Variants in LAMTOR1 observed in about 807,000 individuals in gnomAD.
The protein encoded by LAMTOR1 is late endosomal/lysosomal adaptor, MAPK and MTOR activator 1.
In LAMTOR1, 8 loss-of-function variants were observed where a neutral mutation model predicts 20.5. The observed-to-expected ratio is 0.39, with a 90% CI of 0.23 to 0.70. The LOEUF (loss-of-function observed/expected upper bound fraction) is 0.70, where lower values mean the gene tolerates loss of function less well. Ranked by LOEUF, LAMTOR1 falls within the 30% of genes least tolerant of loss-of-function variation. The pLI, the probability that LAMTOR1 is intolerant of heterozygous loss-of-function variation, is 0.43. For missense variants in LAMTOR1, 135 were observed against 206.2 expected, an observed-to-expected ratio of 0.65 and a Z score of 2.11; for synonymous variants, 77 against 80.9, an observed-to-expected ratio of 0.95 and a Z score of 0.26.
In LAMTOR1 at chr11:72,098,778, C is replaced by T. The variant is rs1338735048; in HGVS notation, c.266+3G>A. The stretch of plus-strand genomic sequence containing the variant: ...GAGGGACCCACGCTGGCCAGGTGCT[C>T]ACCTGTACTGCCTGGCACGGTCCAT... On this transcript the variant is annotated splice_donor_region_variant and intron_variant, in intron 3 of 4. Transcript: ENST00000278671. The T allele has an allele frequency of 7.8e-6, 12 of 1,542,616 alleles. 1 individual carries two copies. Among genetic ancestry groups the T allele is most frequent in the Admixed American group, 4.0e-5 (2 of 50,308 alleles).
rs1345893165 is a variant in LAMTOR1, at chr11:72,098,871, G to A, written c.189-13C>T. On this transcript the variant is annotated splice_polypyrimidine_tract_variant and intron_variant, in intron 2 of 4. Transcript: ENST00000278671. The stretch of plus-strand genomic sequence containing the variant: ...ATCAATGATGTTGCTATGGGGAGAG[G>A]AGACAGAGATGACATGACAGGTGCT... 1.4e-5 allele frequency: 21 copies of A among 1,543,822 alleles called. No homozygotes were observed. The South Asian group carries it at 2.3e-4, about 17-fold the overall frequency.
intron 1 of LAMTOR1, among the ~76,000 whole-genome samples, chr11:72,099,788 G>A (rs1275534777): frequency 6.6e-6 from 1 of 152,114 alleles, no homozygotes; most frequent in Non-Finnish European, 1.5e-5. Context: ...CCTCTCCATG[G>A]CCATTTCTCA....
Position 72,099,260 on chromosome 11 carries a change from G to T in LAMTOR1, c.43-4C>A, listed in dbSNP as rs200316486. The T allele has an allele frequency of 3.9e-6, 6 of 1,556,074 alleles. No homozygotes were observed. The highest frequency in any genetic ancestry group is 1.7e-6 in the Non-Finnish European group (2 of 1,148,004). On this transcript the variant is annotated splice_polypyrimidine_tract_variant and splice_region_variant and intron_variant, in intron 1 of 4. Coordinates refer to ENST00000278671, the MANE Select transcript of LAMTOR1 (RefSeq NM_017907.3). ...GCAGCTTCCGCTCCTCTCGGTCCTA[G>T]AAGTGGTCATGGGAGAGAAGTCAGC...
chr11:72,099,376 A>G (rs767802294), intron 1 of LAMTOR1, 120 bp from the exon 2 acceptor site: 3 of 1,118,708 alleles, frequency 2.7e-6, no homozygotes, highest in South Asian at 1.7e-5. Context: ...AGGAATATCT[A>G]AAGTGCCCAG....
Position 72,097,350 on chromosome 11 carries a change from T to C in LAMTOR1, c.*472A>G. 2 of 995,754 alleles carry C rather than the reference T, an allele frequency of 2.0e-6. No homozygotes were observed. The highest frequency in any genetic ancestry group is 2.4e-6 in the Non-Finnish European group (2 of 835,356). The allele number at this position is 995,754 out of a possible 1,614,324, so 61.7% of individuals were successfully genotyped here. A position where few individuals can be genotyped will look rare whatever the true frequency, so the allele number is the denominator to read the frequency against. On this transcript the variant is annotated 3_prime_UTR_variant, in exon 5 of 5. Transcript: ENST00000278671. ...AACCAAAACAAAAAAAGACCAAACA[T>C]GTAAAAACCCAGGGTTCTAGAAATA...
intron 4 of LAMTOR1, 67 bp from the exon 5 acceptor site, chr11:72,097,981 G>C: frequency 1.3e-6 from 2 of 1,510,492 alleles, no homozygotes; most frequent in South Asian, 2.6e-5. Context: ...AGGAAAAATG[G>C]GGAGGGGAGA....
intron 4 of LAMTOR1, 115 bp downstream of exon 4, chr11:72,098,174 A>C (rs1343241498): frequency 7.2e-7 from 1 of 1,382,772 alleles, no homozygotes; most frequent in Admixed American, 2.1e-5. Context: ...CTACAAGGCT[A>C]CCAGGCTCCC....
chr11:72,097,897 A>G lies in LAMTOR1; in HGVS notation c.411T>C (p.Ala137=). The G allele has an allele frequency of 6.2e-7, 1 of 1,604,822 alleles. No homozygotes were observed. Among genetic ancestry groups the G allele is most frequent in the South Asian group, 1.1e-5 (1 of 90,664 alleles). ...SDLQQVSRIA[A]YAYSALSQIR... is the part of the protein sequence containing the mutation. ...TCTGAGAAAGTGCACTGTAGGCATA[A>G]GCAGCTATCCTGGAGACCTGAGACA... Residue 137 remains alanine, a synonymous_variant, in exon 5 of 5, where the codon GCT becomes GCC. Coordinates refer to ENST00000278671, the MANE Select transcript of LAMTOR1 (RefSeq NM_017907.3).
intron 2 of LAMTOR1, 41 bp from the exon 3 acceptor site, chr11:72,098,899 C>T (rs1180609646): frequency 1.3e-5 from 20 of 1,497,200 alleles, no homozygotes; most frequent in East Asian, 4.9e-5. Flanking sequence ...CAGGTGCTTC[C>T]GAGAAGGACA....
chr11:72,102,693 A>G (rs1945488601), intron 1 of LAMTOR1, among the ~76,000 whole-genome samples: 1 of 152,204 alleles, frequency 6.6e-6, no homozygotes, highest in Non-Finnish European at 1.5e-5. Flanking sequence ...CAACTTCCAG[A>G]GTCGTCCCCT....
At chr11:72,099,350 C>A in intron 1 of LAMTOR1, 94 bp from the exon 2 acceptor site, 1 of 1,361,564 alleles carries the variant, frequency 7.3e-7, no homozygotes, top group Non-Finnish European at 9.9e-7. Flanking sequence ...CCTTAAACAC[C>A]AAAAATGTTT....
chr11:72,099,289 A>T, intron 1 of LAMTOR1, 33 bp from the exon 2 acceptor site: 2 of 1,520,870 alleles, frequency 1.3e-6, no homozygotes, highest in Non-Finnish European at 1.8e-6. Context: ...AGTCAGCCCC[A>T]GGACCCGTAG....
At chr11:72,098,736 G>T (rs1945327718) in intron 3 of LAMTOR1, 45 bp downstream of exon 3, 2 of 1,363,638 alleles carry the variant, frequency 1.5e-6, no homozygotes, top group Non-Finnish European at 2.0e-6. Flanking sequence ...GATGGAGGGT[G>T]GGAGCCCAAG....
intron 2 of LAMTOR1, 31 bp downstream of exon 2, chr11:72,099,080 T>C: frequency 6.2e-7 from 1 of 1,612,728 alleles, no homozygotes; most frequent in Non-Finnish European, 8.5e-7. Context: ...ATAGAGGAGC[T>C]CTGACCCAGG....
chr11:72,103,107 T>A, intron 1 of LAMTOR1, 76 bp downstream of exon 1: 1 of 1,527,070 alleles, frequency 6.5e-7, no homozygotes, highest in Non-Finnish European at 8.9e-7. Context: ...CTGCCCGTCC[T>A]CCGCAGGTTT....
In LAMTOR1 at chr11:72,097,360, C is replaced by T. The variant is rs1808492352; in HGVS notation, c.*462G>A. On this transcript the variant is annotated 3_prime_UTR_variant, in exon 5 of 5. Coordinates refer to ENST00000278671, the MANE Select transcript of LAMTOR1 (RefSeq NM_017907.3). ...AAAAAAGACCAAACATGTAAAAACCCAGGGTTCTAGAAATACAAACTCAAT... is the reference window on the plus strand; with the variant it reads ...AAAAAAGACCAAACATGTAAAAACCTAGGGTTCTAGAAATACAAACTCAAT... The T allele has an allele frequency of 2.0e-6, 2 of 996,214 alleles. No homozygotes were observed. Among genetic ancestry groups the T allele is most frequent in the African/African-American group, 3.5e-5 (2 of 57,426 alleles). The allele number at this position is 996,214 out of a possible 1,614,324, so 61.7% of individuals were successfully genotyped here. A position where few individuals can be genotyped will look rare whatever the true frequency, so the allele number is the denominator to read the frequency against.
rs1395174277 is a variant in LAMTOR1, at chr11:72,098,368, A to G, written c.314T>C (p.Leu105Pro). 10 of 1,612,508 alleles carry G rather than the reference A, an allele frequency of 6.2e-6. No homozygotes were observed. Among genetic ancestry groups the G allele is most frequent in the Non-Finnish European group, 8.5e-6 (10 of 1,179,594 alleles). The stretch of plus-strand genomic sequence containing the variant: ...GCTGGTAAGAGACGGCAGCGGTGGC[A>G]GCTTCTTCCAATGGGTCAGGCTGCT... ...LSSSLTHWKK[L>P]PPLPSLTSQP... Residue 105 changes from leucine (L) to proline (P), a missense_variant, in exon 4 of 5, where the codon CTG becomes CCG. By Grantham distance (98) the Leu-to-Pro change is moderately conservative (BLOSUM62 -3). Transcript: ENST00000278671.
intron 4 of LAMTOR1, 89 bp downstream of exon 4, chr11:72,098,200 T>G (rs777447481): frequency 1.1e-5 from 17 of 1,541,782 alleles, no homozygotes; most frequent in Non-Finnish European, 1.4e-5. Context: ...CCACCTTCCC[T>G]ACCTCCTCTG....
At chr11:72,101,389 C>T (rs1945433066) in intron 1 of LAMTOR1, among the ~76,000 whole-genome samples, 1 of 152,218 alleles carries the variant, frequency 6.6e-6, no homozygotes, top group South Asian at 2.1e-4. Context: ...GGTCTAGGGG[C>T]ATGGCTGAGA....
Sources: gnomAD v4.1 joint callset for allele counts (sites outside exome capture counted in the v4.1 genomes callset) on GRCh38, gnomAD v4.1.1 for gene constraint, MANE v1.5 for transcripts, NCBI Gene and HGNC (gene_info 2026-07-23, HGNC 2026-07-21) for gene names.